PARPBP: variants seen among roughly 807,000 people sequenced by gnomAD.
PARPBP encodes PCNA-interacting partner.
A neutral mutation model predicts 50.0 loss-of-function variants in PARPBP; 52 were observed. The observed-to-expected ratio is 1.04, with a 90% CI of 0.83 to 1.31. PARPBP has a LOEUF of 1.31. Among genes scored for constraint, PARPBP ranks in the 50% most tolerant of loss-of-function variants. The pLI is 0.00. For synonymous variants in PARPBP, 244 were observed against 232.1 expected (o/e 1.05, Z -0.47); for missense variants, 697 against 672.0 (o/e 1.04, Z -0.41).
rs1260921037 is a variant in PARPBP at position 102,129,095 on chromosome 12, C to T, written c.153+5054C>T. Among the ~76,000 whole-genome samples, 3 of 151,968 alleles carry T rather than the reference C, an allele frequency of 2.0e-5. No homozygotes were observed. In the East Asian group the frequency reaches 5.8e-4, roughly 29 times the overall value. ...TACCTCTTGGCAATTTGTGTGTCTT[C>T]TTTTTGGAAATGTCTATTCAGATCC... is the stretch of plus-strand genomic sequence containing the variant. On this transcript the variant is annotated intron_variant, in intron 2 of 10. Transcript: ENST00000327680.
chr12:102,192,673 C>A (rs1890898091), intron 9 of PARPBP, among the ~76,000 whole-genome samples: 1 of 151,950 alleles, frequency 6.6e-6, no homozygotes, highest in African/African-American at 2.4e-5. Context: ...ATGGTTCTAG[C>A]CTTCTGAAAT....
intron 2 of PARPBP, among the ~76,000 whole-genome samples, chr12:102,142,572 C>A (rs1359372427): frequency 6.6e-6 from 1 of 152,146 alleles, no homozygotes; most frequent in African/African-American, 2.4e-5. Context: ...AGGCACTCTG[C>A]TTTTTAGAAT....
chr12:102,174,791 T>G (rs1026491150), intron 6 of PARPBP, among the ~76,000 whole-genome samples: 1 of 152,226 alleles, frequency 6.6e-6, no homozygotes, highest in Non-Finnish European at 1.5e-5. Context: ...ACTCTTAATT[T>G]TAGGTGTGGT....
intron 2 of PARPBP, among the ~76,000 whole-genome samples, chr12:102,130,175 T>C (rs144915889): frequency 6.6e-6 from 1 of 152,300 alleles, no homozygotes; most frequent in East Asian, 1.9e-4. Flanking sequence ...AGTGCTGGGA[T>C]AACTGGCTAA....
chr12:102,156,902 A>G (rs1446622032), intron 4 of PARPBP, among the ~76,000 whole-genome samples: 3 of 152,238 alleles, frequency 2.0e-5, no homozygotes, highest in Non-Finnish European at 2.9e-5. Context: ...TTGGTCTCCC[A>G]AAGTGCTGGG....
chr12:102,125,891 A>AG (rs1023382058), intron 2 of PARPBP, among the ~76,000 whole-genome samples: 1 of 152,176 alleles, frequency 6.6e-6, no homozygotes, highest in Non-Finnish European at 1.5e-5. Flanking sequence ...TTTGGTCTAG[A>AG]GGCTCTTTTT....
At chr12:102,139,966 A>C (rs969977790) in intron 2 of PARPBP, among the ~76,000 whole-genome samples, 16 of 152,148 alleles carry the variant, frequency 1.1e-4, no homozygotes, top group Admixed American at 5.2e-4. Flanking sequence ...TGTCTCTGCC[A>C]GGCTTTGGTA....
At chr12:102,144,379 T>C (rs1885080969) in intron 2 of PARPBP, among the ~76,000 whole-genome samples, 1 of 152,196 alleles carries the variant, frequency 6.6e-6, no homozygotes, top group Non-Finnish European at 1.5e-5. Flanking sequence ...TTCCTTCATA[T>C]ATTAGCCAGC....
At chr12:102,189,030 G>A (rs1890560189) in intron 9 of PARPBP, among the ~76,000 whole-genome samples, 1 of 152,110 alleles carries the variant, frequency 6.6e-6, no homozygotes, top group African/African-American at 2.4e-5. Flanking sequence ...AAGCAAAATA[G>A]AAGAGCAGGA....
intron 1 of PARPBP, among the ~76,000 whole-genome samples, chr12:102,120,775 A>G (rs1880918001): frequency 6.6e-6 from 1 of 152,170 alleles, no homozygotes; most frequent in South Asian, 2.1e-4. Flanking sequence ...TCATTCTGTG[A>G]GGTAGGAATT....
rs1026988845 is a variant in PARPBP at position 102,178,642 on chromosome 12, T to C, written c.1056T>C (p.Thr352=). The change falls in exon 8 of 11, where the codon ACT becomes ACC. Residue 352 remains threonine, a synonymous_variant. Transcript: ENST00000327680. ...NHGTAYCGRD[T]VKALLVLLDE... ...GTACTGCATACTGTGGCAGAGATAC[T>C]GTGAAAGCCTTATTAGTTCTTTTGG... The C allele has an allele frequency of 1.2e-6, 2 of 1,613,372 alleles. No homozygotes were observed. The highest frequency in any genetic ancestry group is 2.2e-5 in the South Asian group (2 of 90,972).
At chr12:102,141,783 T>G (rs1884642587) in intron 2 of PARPBP, among the ~76,000 whole-genome samples, 1 of 152,226 alleles carries the variant, frequency 6.6e-6, no homozygotes, top group South Asian at 2.1e-4. Context: ...GGGTTGAAAA[T>G]TCTTTTCTTT....
At chr12:102,132,264 G>A (rs961834946) in intron 2 of PARPBP, among the ~76,000 whole-genome samples, 3 of 150,680 alleles carry the variant, frequency 2.0e-5, no homozygotes, top group Admixed American at 6.6e-5. Context: ...GAATTTACCT[G>A]TGTAACAAAC....
intron 9 of PARPBP, among the ~76,000 whole-genome samples, chr12:102,191,156 G>A (rs1292853326): frequency 1.3e-5 from 2 of 152,092 alleles, no homozygotes; most frequent in African/African-American, 2.4e-5. Context: ...TCATTTTGCA[G>A]ACCATACATA....
intron 6 of PARPBP, among the ~76,000 whole-genome samples, chr12:102,175,074 A>G (rs929745259): frequency 2.0e-5 from 3 of 152,176 alleles, no homozygotes; most frequent in African/African-American, 7.2e-5. Context: ...GGATAATAAT[A>G]TCAACTTACT....
chr12:102,174,906 C>G (rs745694765), intron 6 of PARPBP, among the ~76,000 whole-genome samples: 12 of 152,204 alleles, frequency 7.9e-5, no homozygotes, highest in Admixed American at 2.0e-4. Context: ...TTAGTTTCCT[C>G]TTCCATGTAA....
chr12:102,141,998 A>C (rs1045766183), intron 2 of PARPBP, among the ~76,000 whole-genome samples: 7 of 151,908 alleles, frequency 4.6e-5, no homozygotes, highest in South Asian at 2.1e-4. Context: ...ATCTTTGTGG[A>C]GTTCTCTGTA....
Position 102,196,307 on chromosome 12 carries a change from G to A in PARPBP, c.*16G>A. 1.3e-6 allele frequency: 2 copies of A among 1,482,484 alleles called. No homozygotes were observed. The highest frequency in any genetic ancestry group is 2.1e-5 in the Admixed American group (1 of 47,212). The allele number at this position is 1,482,484 out of a possible 1,614,324, so 91.8% of individuals were successfully genotyped here. ...TAGACTATAAATTTGTGTCTTATAT[G>A]CTTTAGGTTTATGTATCTATAAACC... On this transcript the variant is annotated 3_prime_UTR_variant, in exon 11 of 11. Transcript: ENST00000327680.
intron 9 of PARPBP, among the ~76,000 whole-genome samples, chr12:102,189,982 C>A (rs1025811444): frequency 3.3e-5 from 5 of 152,090 alleles, no homozygotes; most frequent in Non-Finnish European, 7.4e-5. Flanking sequence ...GGTTTCTTTA[C>A]CCTATTGAAC....
Sources: gnomAD v4.1 joint callset for allele counts (sites outside exome capture counted in the v4.1 genomes callset) on GRCh38, gnomAD v4.1.1 for gene constraint, MANE v1.5 for transcripts, NCBI Gene and HGNC (gene_info 2026-07-23, HGNC 2026-07-21) for gene names.